The following RNF146 variants were observed in gnomAD, a reference collection of about 807,000 sequenced individuals.
RNF146 encodes the protein ring finger protein 146, also known as E3 ubiquitin-protein ligase RNF146.
In RNF146, 11 loss-of-function variants were observed where a neutral mutation model predicts 29.7. The observed-to-expected ratio is 0.37, with a 90% CI of 0.23 to 0.61. The LOEUF (loss-of-function observed/expected upper bound fraction) is 0.61, where lower values mean the gene tolerates loss of function less well. Ranked by LOEUF, RNF146 falls within the 20% of genes least tolerant of loss-of-function variation. The pLI is 0.66. For synonymous variants in RNF146, 150 were observed against 159.7 expected (o/e 0.94, Z 0.46); for missense variants, 342 against 438.9 (o/e 0.78, Z 1.97).
intron 2 of RNF146, among the ~76,000 whole-genome samples, chr6:127,283,582 T>TA (rs910125706): frequency 1.3e-5 from 2 of 151,828 alleles, no homozygotes; most frequent in East Asian, 1.9e-4. Flanking sequence ...GTATGTCTTA[T>TA]AGGTAGACTA....
intron 2 of RNF146, among the ~76,000 whole-genome samples, chr6:127,281,009 G>A (rs1778848952): frequency 6.6e-6 from 1 of 151,666 alleles, no homozygotes; most frequent in South Asian, 2.1e-4. Context: ...GAAAAATGTA[G>A]TGAATATTTT....
At chr6:127,269,857 A>T (rs1777212722) in intron 1 of RNF146, among the ~76,000 whole-genome samples, 1 of 152,130 alleles carries the variant, frequency 6.6e-6, no homozygotes, top group South Asian at 2.1e-4. Flanking sequence ...TCTTTCTGTC[A>T]CTGAGTGATT....
chr6:127,280,669 T>A, intron 2 of RNF146: 1 of 583,634 alleles, frequency 1.7e-6, no homozygotes, highest in Non-Finnish European at 2.2e-6. Flanking sequence ...AGGCAAGTAG[T>A]ACTAGCTTTT....
In RNF146 at chr6:127,287,242, C is replaced by G. The variant is rs905095945; in HGVS notation, c.629C>G (p.Ala210Gly). Reference sequence around the variant, plus strand: ...GACAGTGTATCAGCACAGAGTGGAGCTTCTGTTCAGCCCCTAGTGTCTTCT... The same window carrying G: ...GACAGTGTATCAGCACAGAGTGGAGGTTCTGTTCAGCCCCTAGTGTCTTCT... ...GADSVSAQSG[A>G]SVQPLVSSVR... is the part of the protein sequence containing the mutation. The change falls in exon 3 of 3, where the codon GCT becomes GGT. Residue 210 changes from alanine to glycine, a missense_variant. Ala to Gly is a moderately conservative substitution (Grantham distance 60). This residue lies in a region of RNF146 where 196 missense variants were observed against 208.9 expected (regional missense o/e 0.94). Coordinates refer to ENST00000368314, the MANE Select transcript of RNF146 (RefSeq NM_001242850.2). 5 of 1,613,386 alleles carry G rather than the reference C, an allele frequency of 3.1e-6. No homozygotes were observed. In the South Asian group the frequency reaches 5.5e-5, roughly 18 times the overall value.
intron 2 of RNF146, 179 bp downstream of exon 2, chr6:127,280,519 T>G: frequency 7.9e-7 from 1 of 1,260,630 alleles, no homozygotes; most frequent in Non-Finnish European, 1.0e-6. Context: ...AATGTAGATT[T>G]CCAAGTCTCC....
At chr6:127,272,454 T>A (rs1016837145) in intron 1 of RNF146, among the ~76,000 whole-genome samples, 10 of 152,164 alleles carry the variant, frequency 6.6e-5, no homozygotes, top group Non-Finnish European at 1.3e-4. Flanking sequence ...AAAAAATTAT[T>A]CATGAGGATA....
chr6:127,270,274 G>GT (rs1277493623), intron 1 of RNF146, among the ~76,000 whole-genome samples: 1 of 151,948 alleles, frequency 6.6e-6, no homozygotes, highest in Admixed American at 6.6e-5. Context: ...ACCTGTCACT[G>GT]TTTTTTTCCT....
chr6:127,281,990 A>G (rs1778971550), intron 2 of RNF146, among the ~76,000 whole-genome samples: 1 of 151,610 alleles, frequency 6.6e-6, no homozygotes, highest in Non-Finnish European at 1.5e-5. Flanking sequence ...TAGGAGGGAG[A>G]AGTTTTATGA....
At chr6:127,272,337 G>C (rs1385400122) in intron 1 of RNF146, among the ~76,000 whole-genome samples, 1 of 152,180 alleles carries the variant, frequency 6.6e-6, no homozygotes, top group African/African-American at 2.4e-5. Context: ...AGTGCTGATA[G>C]TACTAGTTGG....
Position 127,286,826 on chromosome 6 carries a change from T to C in RNF146, c.213T>C (p.Cys71=), listed in dbSNP as rs1187545883. The C allele has an allele frequency of 1.2e-6, 2 of 1,613,160 alleles. No individual in the cohort carries two copies. The highest frequency in any genetic ancestry group is 1.7e-6 in the Non-Finnish European group (2 of 1,179,606). ...GAGCTTCATGGCTTGGAAAGCGGTG[T>C]GCTCTTTGTCGACAAGAAATTCCCG... is the stretch of plus-strand genomic sequence containing the variant. ...VKGASWLGKR[C]ALCRQEIPED... The change falls in exon 3 of 3, where the codon TGT becomes TGC. Residue 71 remains cysteine, a synonymous_variant. Transcript: ENST00000368314. The surrounding 1 kb of genome is among the most constrained non-coding windows in gnomAD (Gnocchi z 4.6).
Position 127,286,943 on chromosome 6 carries a change from A to G in RNF146, c.330A>G (p.Gly110=). 4 of 1,613,506 alleles carry G rather than the reference A, an allele frequency of 2.5e-6. No homozygotes were observed. Among genetic ancestry groups the G allele is most frequent in the Non-Finnish European group, 3.4e-6 (4 of 1,179,620 alleles). The change falls in exon 3 of 3, where the codon GGA becomes GGG. Residue 110 remains glycine (G), a synonymous_variant. Coordinates refer to ENST00000368314, the MANE Select transcript of RNF146 (RefSeq NM_001242850.2). This position sits in a 1 kb window ranked among gnomAD's most constrained non-coding sequence, Gnocchi z 4.6. The part of the protein sequence containing the change: ...GNGEYAWYYE[G]RNGWWQYDER... ...GTGAATATGCATGGTATTATGAAGG[A>G]AGAAATGGGTGGTGGCAGTACGATG... is the stretch of plus-strand genomic sequence containing the variant.
chr6:127,270,278 T>A (rs1031360938), intron 1 of RNF146, among the ~76,000 whole-genome samples: 12 of 152,218 alleles, frequency 7.9e-5, no homozygotes, highest in Non-Finnish European at 1.8e-4. Flanking sequence ...GTCACTGTTT[T>A]TTTCCTCCAG....
At chr6:127,281,389 T>A (rs1022330696) in intron 2 of RNF146, among the ~76,000 whole-genome samples, 89 of 151,820 alleles carry the variant, frequency 5.9e-4, no homozygotes, top group African/African-American at 2.0e-3. Context: ...GAGACATGTA[T>A]GTAATTAACA....
rs1779798837 is a variant in RNF146 at position 127,288,380 on chromosome 6, G to T, written c.*687G>T. 1.8e-5 allele frequency: 3 copies of T among 166,810 alleles called. No homozygotes were observed. Among genetic ancestry groups the T allele is most frequent in the Non-Finnish European group, 4.4e-5 (3 of 68,048 alleles). 10.3% of individuals were successfully genotyped at this position (166,810 alleles called of 1,614,324 possible). A position where few individuals can be genotyped will look rare whatever the true frequency, so the allele number is the denominator to read the frequency against. ...ATCAAAAACAGTTTGTCTCTTGTTT[G>T]AGGGTGGAAAGGGTGTGGAAACATT... On this transcript the variant is annotated 3_prime_UTR_variant, in exon 3 of 3. Transcript: ENST00000368314.
intron 1 of RNF146, among the ~76,000 whole-genome samples, chr6:127,272,734 T>C (rs1230202877): frequency 6.6e-6 from 1 of 152,188 alleles, no homozygotes; most frequent in Non-Finnish European, 1.5e-5. Context: ...GGCAGTACAA[T>C]TGACCCTTGA....
rs117346539 is a variant in RNF146 at position 127,268,178 on chromosome 6, T to C, written c.-109+1253T>C. ...AGGGTACGCTTTGTTCTTTGTATGA[T>C]TGGCATTTCAGGTAGTGGGCACATC... On this transcript the variant is annotated intron_variant, in intron 1 of 2. Transcript: ENST00000368314. Among the ~76,000 whole-genome samples, 502 of 152,316 alleles carry C rather than the reference T, an allele frequency of 3.3e-3. 22 individuals carry two copies. The East Asian group carries it at 0.051, about 16-fold the overall frequency.
At chr6:127,267,085 G>T (rs1354869988) in intron 1 of RNF146, 160 bp downstream of exon 1, 1 of 152,688 alleles carries the variant, frequency 6.5e-6, no homozygotes. Context: ...CGGCGGCGGG[G>T]TCAGGGGCCG....
At position 127,286,804 on chromosome 6, in the gene RNF146, C is replaced by T; in HGVS notation, c.191C>T (p.Ala64Val). The T allele has an allele frequency of 6.2e-7, 1 of 1,613,252 alleles. No homozygotes were observed. The highest frequency in any genetic ancestry group is 8.5e-7 in the Non-Finnish European group (1 of 1,179,588). The change falls in exon 3 of 3, where the codon GCT becomes GTT. Residue 64 changes from alanine (A) to valine (V), a missense_variant. Ala to Val is a moderately conservative substitution (Grantham distance 64). This residue lies in a region of RNF146 where 27 missense variants were observed against 66.0 expected (regional missense o/e 0.41). Coordinates refer to ENST00000368314, the MANE Select transcript of RNF146 (RefSeq NM_001242850.2). This position sits in a 1 kb window ranked among gnomAD's most constrained non-coding sequence, Gnocchi z 4.6. ...TTCTGCTATCTATGTGTAAAAGGAGCTTCATGGCTTGGAAAGCGGTGTGCT... is the reference window on the plus strand; with the variant it reads ...TTCTGCTATCTATGTGTAAAAGGAGTTTCATGGCTTGGAAAGCGGTGTGCT... ...HVFCYLCVKG[A>V]SWLGKRCALC...
intron 1 of RNF146, among the ~76,000 whole-genome samples, chr6:127,279,684 T>C (rs1200437039): frequency 6.6e-6 from 1 of 151,880 alleles, no homozygotes; most frequent in African/African-American, 2.4e-5. Context: ...TTGGGTAGTA[T>C]TGTCATTTTA....
Sources: allele counts gnomAD v4.1 joint callset (sites outside exome capture counted in the v4.1 genomes callset), GRCh38; gene constraint gnomAD v4.1.1; regional missense constraint gnomAD v4.1.1; non-coding constraint Gnocchi (gnomAD v3.1); transcripts MANE v1.5; gene names NCBI Gene and HGNC (gene_info 2026-07-23, HGNC 2026-07-21).